Variants in TUBGCP3 observed in about 807,000 individuals in gnomAD.
TUBGCP3 encodes gamma-tubulin complex component 3.
In TUBGCP3, 50 loss-of-function variants were observed where a neutral mutation model predicts 123.1. The ratio of observed to expected loss-of-function variants is 0.41; its 90% CI spans 0.32 to 0.51. The LOEUF is 0.51. Among genes scored for constraint, TUBGCP3 ranks in the 20% least tolerant of loss-of-function variants. The probability of loss-of-function intolerance (pLI) is 0.36; values close to 1 mark genes in which losing one functional copy is unlikely to be tolerated. For synonymous variants in TUBGCP3, 405 were observed against 413.9 expected (o/e 0.98, Z 0.26); for missense variants, 882 against 1,127.0 (o/e 0.78, Z 3.11).
the TUBGCP3 span, among the ~76,000 whole-genome samples, chr13:112,594,189 C>A: frequency 6.6e-6 from 1 of 152,134 alleles, no homozygotes; most frequent in Admixed American, 6.5e-5. Context: ...AACCTGATAC[C>A]AAAGCCAGGC....
chr13:112,538,790 T>C (rs1333452833), intron 11 of TUBGCP3, among the ~76,000 whole-genome samples: 1 of 152,026 alleles, frequency 6.6e-6, no homozygotes, highest in Non-Finnish European at 1.5e-5. Flanking sequence ...TTGAAAAAAA[T>C]GCAATTTTAC....
chr13:112,601,516 G>T, the TUBGCP3 span, among the ~76,000 whole-genome samples: 2 of 152,222 alleles, frequency 1.3e-5, no homozygotes, highest in African/African-American at 4.8e-5. Flanking sequence ...ACTGGATGAG[G>T]TAACGAGAAG....
intron 1 of TUBGCP3, among the ~76,000 whole-genome samples, chr13:112,581,828 T>C (rs1179040212): frequency 1.3e-5 from 2 of 152,212 alleles, no homozygotes; most frequent in Non-Finnish European, 2.9e-5. Context: ...TATATACTTT[T>C]CAACTTTCTC....
Position 112,578,375 on chromosome 13 carries a change from C to G in TUBGCP3, c.77-9116G>C, listed in dbSNP as rs186334020. Among the ~76,000 whole-genome samples, 946 of 150,690 alleles carry G rather than the reference C, an allele frequency of 6.3e-3. 9 individuals carry two copies. The highest frequency in any genetic ancestry group is 0.022 in the African/African-American group (888 of 40,886). On this transcript the variant is annotated intron_variant, in intron 1 of 21. Coordinates refer to ENST00000261965, the MANE Select transcript of TUBGCP3 (RefSeq NM_006322.6). Reference sequence around the variant, plus strand: ...GAGATCGAGACCATCCTGGCTAACACGGTGAAACCCCGTCTCTACTAAAAA... The same window carrying G: ...GAGATCGAGACCATCCTGGCTAACAGGGTGAAACCCCGTCTCTACTAAAAA...
intron 1 of TUBGCP3, among the ~76,000 whole-genome samples, chr13:112,579,421 G>A (rs1204331394): frequency 1.3e-5 from 2 of 150,832 alleles, no homozygotes; most frequent in Non-Finnish European, 3.0e-5. Flanking sequence ...CTGAGTGCCA[G>A]CGGGGCCACG....
At chr13:112,547,524 T>C in intron 10 of TUBGCP3, 96 bp downstream of exon 10, 2 of 1,347,156 alleles carry the variant, frequency 1.5e-6, no homozygotes, top group Non-Finnish European at 1.9e-6. Context: ...AAGACGCGCG[T>C]GGGAAAGACG....
chr13:112,568,469 C>A (rs1189381328), intron 2 of TUBGCP3, among the ~76,000 whole-genome samples: 1 of 151,926 alleles, frequency 6.6e-6, no homozygotes, highest in African/African-American at 2.4e-5. Flanking sequence ...TTACTGAGAC[C>A]CAAGGCCAAA....
At chr13:112,584,474 A>T (rs146705076) in intron 1 of TUBGCP3, among the ~76,000 whole-genome samples, 1,819 of 152,326 alleles carry the variant, frequency 0.012, 36 homozygotes, top group African/African-American at 0.041. Context: ...TAACCAAAGG[A>T]AGATCACATG....
rs529279115 is a variant in TUBGCP3 at position 112,499,032 on chromosome 13, G to A, written c.2448+13C>T. ...TATTCAAATAGATAAATTCACAAGTGTAAAGACCATACCTCAATTTCACGC... is the reference window on the plus strand; with the variant it reads ...TATTCAAATAGATAAATTCACAAGTATAAAGACCATACCTCAATTTCACGC... On this transcript the variant is annotated intron_variant, in intron 20 of 21. Transcript: ENST00000261965. 4.3e-6 allele frequency: 7 copies of A among 1,614,162 alleles called. No homozygotes were observed. The South Asian group carries it at 4.4e-5, about 10-fold the overall frequency.
Position 112,579,201 on chromosome 13 carries a change from T to C in TUBGCP3, c.76+8704A>G, listed in dbSNP as rs1594231439. 3.3e-5 allele frequency among the ~76,000 whole-genome samples: 5 copies of C among 151,916 alleles called. No homozygotes were observed. The South Asian group carries it at 1.0e-3, about 32-fold the overall frequency. ...AGATGTTCAACATCACTAGGAAAAT[T>C]AAAATTAAAACCACACTGAGATATC... On this transcript the variant is annotated intron_variant, in intron 1 of 21. Coordinates refer to ENST00000261965, the MANE Select transcript of TUBGCP3 (RefSeq NM_006322.6).
chr13:112,537,137 T>C (rs1174903945), intron 11 of TUBGCP3, among the ~76,000 whole-genome samples: 33 of 145,404 alleles, frequency 2.3e-4, no homozygotes, highest in Non-Finnish European at 4.2e-4. Context: ...CTTTTTTTTT[T>C]TTTTTTTTTT....
In TUBGCP3 at chr13:112,545,016, C is replaced by T. The variant is rs901192930; in HGVS notation, c.1335+683G>A. 2 of 152,484 alleles carry T rather than the reference C, an allele frequency of 1.3e-5. No homozygotes were observed. Among genetic ancestry groups the T allele is most frequent in the African/African-American group, 4.8e-5 (2 of 41,474 alleles). The allele number at this position is 152,484 out of a possible 1,614,324, so 9.4% of individuals were successfully genotyped here. ...GGCCTCCGCCACTTCCCGCCACACA[C>T]AGTCTGCGGCCCCGACGGCCCACTC... On this transcript the variant is annotated intron_variant, in intron 11 of 21. Coordinates refer to ENST00000261965, the MANE Select transcript of TUBGCP3 (RefSeq NM_006322.6). The surrounding 1 kb of genome is among the most constrained non-coding windows in gnomAD (Gnocchi z 4.1).
At chr13:112,528,984 T>G (rs1176245199) in intron 11 of TUBGCP3, among the ~76,000 whole-genome samples, 3 of 152,116 alleles carry the variant, frequency 2.0e-5, no homozygotes, top group Non-Finnish European at 4.4e-5. Flanking sequence ...CCCAAGTAAC[T>G]GGGACCACAG....
Position 112,588,011 on chromosome 13 carries a change from G to A in TUBGCP3, c.-31C>T, listed in dbSNP as rs754034563. On this transcript the variant is annotated 5_prime_UTR_variant, in exon 1 of 22. Transcript: ENST00000261965. The stretch of plus-strand genomic sequence containing the variant: ...CCCGGAGCCGTGCACGGTGGTCCGG[G>A]CAGAGCCGCCACTGCCGCCGCACGC... The A allele has an allele frequency of 2.8e-6, 4 of 1,432,394 alleles. No individual in the cohort carries two copies. The Admixed American group carries it at 8.3e-5, about 30-fold the overall frequency. 88.7% of individuals were successfully genotyped at this position (1,432,394 alleles called of 1,614,324 possible).
chr13:112,559,457 T>C, intron 3 of TUBGCP3, 58 bp from the exon 4 acceptor site: 6 of 1,350,376 alleles, frequency 4.4e-6, no homozygotes, highest in African/African-American at 4.4e-5. Flanking sequence ...CCAGCCTTAT[T>C]TTCCTCTTTC....
At chr13:112,568,705 T>C (rs1252407879) in intron 2 of TUBGCP3, among the ~76,000 whole-genome samples, 1 of 152,248 alleles carries the variant, frequency 6.6e-6, no homozygotes, top group African/African-American at 2.4e-5. Flanking sequence ...ACCACTGCGT[T>C]TGGCTTATAC....
chr13:112,522,539 T>C, intron 13 of TUBGCP3, 30 bp from the exon 14 acceptor site: 1 of 1,585,220 alleles, frequency 6.3e-7, no homozygotes, highest in Non-Finnish European at 8.6e-7. Context: ...AGAGCACACA[T>C]GCATATGTAA....
intron 11 of TUBGCP3, among the ~76,000 whole-genome samples, chr13:112,543,844 T>A (rs1466887850): frequency 6.6e-6 from 1 of 152,098 alleles, no homozygotes; most frequent in East Asian, 1.9e-4. Flanking sequence ...AAACCATCCA[T>A]GATTCACTCC....
chr13:112,498,585 T>A (rs1461231355), intron 20 of TUBGCP3, among the ~76,000 whole-genome samples: 1 of 152,236 alleles, frequency 6.6e-6, no homozygotes, highest in Non-Finnish European at 1.5e-5. Context: ...TCCATCTATA[T>A]TATATTAAAT....
Sources: allele counts gnomAD v4.1 joint callset (sites outside exome capture counted in the v4.1 genomes callset), GRCh38; gene constraint gnomAD v4.1.1; non-coding constraint Gnocchi (gnomAD v3.1); transcripts MANE v1.5; gene names NCBI Gene and HGNC (gene_info 2026-07-23, HGNC 2026-07-21).